Variants in GAL3ST1 observed in about 807,000 individuals in gnomAD.
The protein encoded by GAL3ST1 is galactosylceramide sulfotransferase.
In GAL3ST1, 13 loss-of-function variants were observed where a neutral mutation model predicts 25.0. The observed-to-expected ratio is 0.52, with a 90% CI of 0.34 to 0.83. The LOEUF (loss-of-function observed/expected upper bound fraction) is 0.83. Ranked by LOEUF, GAL3ST1 falls within the 40% of genes least tolerant of loss-of-function variation. The pLI, the probability that GAL3ST1 is intolerant of heterozygous loss-of-function variation, is 0.02. For synonymous variants in GAL3ST1, 274 were observed against 277.8 expected (o/e 0.99, Z 0.14); for missense variants, 474 against 613.6 (o/e 0.77, Z 2.40).
chr22:30,561,501 C>G (rs1484706242), intron 1 of GAL3ST1, among the ~76,000 whole-genome samples: 1 of 152,234 alleles, frequency 6.6e-6, no homozygotes, highest in Non-Finnish European at 1.5e-5. Flanking sequence ...GGTGACATAA[C>G]TTGTCCAGGG....
rs202165827 is a variant in GAL3ST1, at chr22:30,557,345, C to T, written c.48G>A (p.Leu16=). ...KKPWESMAKG[L]VLGALFTSFL... ...AACTAGTGAAGAGCGCGCCCAGCAC[C>T]AGCCCCTTAGCCATGGACTCCCAGG... is the stretch of plus-strand genomic sequence containing the variant. Residue 16 remains leucine (L), a synonymous_variant, in exon 3 of 4, where the codon CTG becomes CTA. Coordinates refer to ENST00000406361, the MANE Select transcript of GAL3ST1 (RefSeq NM_001318104.2). 107 of 1,614,232 alleles carry T rather than the reference C, an allele frequency of 6.6e-5. No homozygotes were observed. The Admixed American group carries it at 9.3e-4, about 14-fold the overall frequency.
chr22:30,556,683 G>A (rs1364029877), intron 3 of GAL3ST1, among the ~76,000 whole-genome samples: 6 of 152,152 alleles, frequency 3.9e-5, no homozygotes, highest in Non-Finnish European at 2.9e-5. Context: ...TACAGACAGT[G>A]TTACCTGATT....
intron 1 of GAL3ST1, chr22:30,560,559 C>T (rs2086347453): frequency 6.6e-6 from 1 of 152,320 alleles, no homozygotes; most frequent in Admixed American, 6.5e-5. Flanking sequence ...CCTCAAGCAC[C>T]CCTGTCAGCC....
At position 30,559,694 on chromosome 22, in the gene GAL3ST1, T is replaced by C. The variant is rs553201665; in HGVS notation, c.-119-1306A>G. On this transcript the variant is annotated intron_variant, in intron 1 of 3. Transcript: ENST00000406361. Reference sequence around the variant, plus strand: ...ACTGTGCCCAGCCTGTTGTTATTTGTTTTGGGGGATGATCTAAGCGTGGCA... The same window carrying C: ...ACTGTGCCCAGCCTGTTGTTATTTGCTTTGGGGGATGATCTAAGCGTGGCA... Among the ~76,000 whole-genome samples the C allele has an allele frequency of 5.3e-5, 8 of 152,258 alleles. No homozygotes were observed. In the South Asian group the frequency reaches 1.2e-3, roughly 24 times the overall value.
chr22:30,561,993 G>A (rs2086437924), intron 1 of GAL3ST1, among the ~76,000 whole-genome samples: 1 of 152,222 alleles, frequency 6.6e-6, no homozygotes, highest in African/African-American at 2.4e-5. Context: ...ACTGAGGTCG[G>A]GAGAGGAGCT....
intron 3 of GAL3ST1, among the ~76,000 whole-genome samples, chr22:30,556,781 C>A (rs576975575): frequency 1.3e-5 from 2 of 152,190 alleles, no homozygotes; most frequent in Non-Finnish European, 2.9e-5. Context: ...TTGGCCCAGC[C>A]TGGAGTACAG....
At chr22:30,564,105 T>G (rs985978928) in intron 1 of GAL3ST1, among the ~76,000 whole-genome samples, 1 of 152,220 alleles carries the variant, frequency 6.6e-6, no homozygotes, top group African/African-American at 2.4e-5. Flanking sequence ...TAAGGGATAC[T>G]CAACCTGTAC....
At chr22:30,557,512 C>T in intron 2 of GAL3ST1, 111 bp from the exon 3 acceptor site, 1 of 1,146,292 alleles carries the variant, frequency 8.7e-7, no homozygotes, top group South Asian at 1.4e-5. Context: ...CTGTGGCCCC[C>T]CAGCAGGGTC....
chr22:30,557,428 A>G (rs373103780), intron 2 of GAL3ST1, 27 bp from the exon 3 acceptor site: 4 of 1,612,488 alleles, frequency 2.5e-6, no homozygotes, highest in Non-Finnish European at 2.5e-6. Context: ...GAGTAGGGCA[A>G]GTGTCAGGAA....
intron 1 of GAL3ST1, among the ~76,000 whole-genome samples, chr22:30,558,666 G>A (rs2086191307): frequency 6.6e-6 from 1 of 152,176 alleles, no homozygotes; most frequent in African/African-American, 2.4e-5. Flanking sequence ...GGTGGCTGAT[G>A]GAGAAACTGA....
Position 30,557,277 on chromosome 22 carries a change from G to T in GAL3ST1, c.116C>A (p.Ala39Asp), listed in dbSNP as rs1445708746. 1.2e-6 allele frequency: 2 copies of T among 1,614,146 alleles called. No homozygotes were observed. Among genetic ancestry groups the T allele is most frequent in the Middle Eastern group, 1.6e-4 (1 of 6,062 alleles). Residue 39 changes from alanine to aspartate, a missense_variant, in exon 3 of 4, where the codon GCC becomes GAC. Ala to Asp is a moderately radical substitution (Grantham distance 126). Transcript: ENST00000406361. ...GGCCACTCACGTGGAGGCCAGGCCGGCATGCAGCGGGGGCACGGCATAGGA... is the reference window on the plus strand; with the variant it reads ...GGCCACTCACGTGGAGGCCAGGCCGTCATGCAGCGGGGGCACGGCATAGGA... ...VYSYAVPPLH[A>D]GLASTTPEAA...
intron 1 of GAL3ST1, among the ~76,000 whole-genome samples, chr22:30,558,870 T>C (rs1031546282): frequency 1.3e-5 from 2 of 152,182 alleles, no homozygotes; most frequent in Non-Finnish European, 2.9e-5. Context: ...CTAAAAATTA[T>C]TCCAAGGCTG....
At position 30,567,453 on chromosome 22, in the gene GAL3ST1, A is replaced by AT. The variant is rs562957345; in HGVS notation, c.-120+7012dup. On this transcript the variant is annotated intron_variant, in intron 1 of 3. Transcript: ENST00000406361. ...ACGCCTGGCTAATTTTGGCATTTTG[A>AT]TTTTTTGTAGAGATGGGGTCTTGCT... 1.7e-3 allele frequency among the ~76,000 whole-genome samples: 261 copies of AT among 151,706 alleles called. 2 individuals carry two copies. Among genetic ancestry groups the AT allele is most frequent in the African/African-American group, 6.0e-3 (247 of 41,348 alleles).
chr22:30,561,663 G>A lies in GAL3ST1; in HGVS notation c.-119-3275C>T, dbSNP rs977573403. On this transcript the variant is annotated intron_variant, in intron 1 of 3. Transcript: ENST00000406361. ...GGAAGGAAGGAGGGAAAGTTGCATTGCAGGAAGTGGGGGATGTGGGGTTGG... is the reference window on the plus strand; with the variant it reads ...GGAAGGAAGGAGGGAAAGTTGCATTACAGGAAGTGGGGGATGTGGGGTTGG... 1.4e-4 allele frequency among the ~76,000 whole-genome samples: 22 copies of A among 152,162 alleles called. 4 individuals are homozygous for A. Among genetic ancestry groups the A allele is most frequent in the Admixed American group, 1.3e-3 (20 of 15,276 alleles).
intron 1 of GAL3ST1, among the ~76,000 whole-genome samples, chr22:30,567,279 T>C (rs1359249612): frequency 6.6e-6 from 1 of 152,074 alleles, no homozygotes; most frequent in Non-Finnish European, 1.5e-5. Flanking sequence ...TGGAAACTGT[T>C]TTTGTTTTTT....
intron 1 of GAL3ST1, among the ~76,000 whole-genome samples, chr22:30,571,140 C>T (rs62227013): frequency 0.018 from 2,689 of 152,306 alleles, 41 homozygotes; most frequent in Non-Finnish European, 0.029. Flanking sequence ...AGGCAAGACA[C>T]TCTGCCCTCT....
chr22:30,568,000 G>C (rs773248154), intron 1 of GAL3ST1, among the ~76,000 whole-genome samples: 1 of 152,046 alleles, frequency 6.6e-6, no homozygotes, highest in Non-Finnish European at 1.5e-5. Context: ...GTTTTAAATT[G>C]ATCCATCCCA....
chr22:30,573,575 C>T (rs934674779), intron 1 of GAL3ST1, among the ~76,000 whole-genome samples: 7 of 152,202 alleles, frequency 4.6e-5, no homozygotes, highest in Non-Finnish European at 8.8e-5. Flanking sequence ...TGGGTTTTCC[C>T]AACTGGAATG....
chr22:30,556,285 T>C (rs1178619565), intron 3 of GAL3ST1, among the ~76,000 whole-genome samples, 192 bp from the exon 4 acceptor site: 2 of 151,988 alleles, frequency 1.3e-5, no homozygotes, highest in Admixed American at 1.3e-4. Flanking sequence ...TCCTCTTCTG[T>C]GAAATGGGGA....
Sources: gnomAD v4.1 joint callset for allele counts (sites outside exome capture counted in the v4.1 genomes callset) on GRCh38, gnomAD v4.1.1 for gene constraint, MANE v1.5 for transcripts, NCBI Gene and HGNC (gene_info 2026-07-23, HGNC 2026-07-21) for gene names.